Variants in SYNPR observed in about 807,000 individuals in gnomAD.
The protein encoded by SYNPR is synaptoporin.
SYNPR carries 23 observed loss-of-function variants against 32.9 expected under a neutral mutation model. The observed-to-expected ratio is 0.70, with a 90% confidence interval of 0.50 to 0.99. SYNPR has a LOEUF of 0.99. Ranked by LOEUF, SYNPR falls within the 50% of genes least tolerant of loss-of-function variation. The pLI is 0.00. For synonymous variants in SYNPR, 146 were observed against 135.9 expected (o/e 1.07, Z -0.52); for missense variants, 318 against 349.3 (o/e 0.91, Z 0.71).
chr3:63,509,514 C>T (rs1333425500), intron 3 of SYNPR, among the ~76,000 whole-genome samples: 3 of 151,766 alleles, frequency 2.0e-5, no homozygotes, highest in Non-Finnish European at 4.4e-5. Context: ...CTTGCTTTTG[C>T]CCATAAAGAT....
Position 63,465,052 on chromosome 3 carries a change from T to C in SYNPR, c.85-15780T>C, listed in dbSNP as rs141409325. 3.7e-3 allele frequency among the ~76,000 whole-genome samples: 556 copies of C among 152,272 alleles called. 2 individuals are homozygous for C. The highest frequency in any genetic ancestry group is 4.9e-3 in the Non-Finnish European group (334 of 68,006). ...AAACTAAAACCAATATATTAAACAT[T>C]AAGTAATTTGATACATTTTATTGCC... On this transcript the variant is annotated intron_variant, in intron 2 of 5. Coordinates refer to ENST00000478300, the MANE Select transcript of SYNPR (RefSeq NM_001130003.2).
intron 5 of SYNPR, among the ~76,000 whole-genome samples, chr3:63,612,318 G>A (rs1700210965): frequency 6.6e-6 from 1 of 152,212 alleles, no homozygotes; most frequent in Non-Finnish European, 1.5e-5. Context: ...ATTCCCAAAT[G>A]TCATACAGTG....
chr3:63,495,812 GAAT>G (rs1559517034), intron 3 of SYNPR, among the ~76,000 whole-genome samples: 1 of 152,064 alleles, frequency 6.6e-6, no homozygotes, highest in Non-Finnish European at 1.5e-5. Context: ...TGGAAGGAAT[GAAT>G]AATTGGAGCA....
At chr3:63,252,884 C>T (rs1241080785) in intron 2 of SYNPR, among the ~76,000 whole-genome samples, 1 of 151,784 alleles carries the variant, frequency 6.6e-6, no homozygotes, top group Non-Finnish European at 1.5e-5. Flanking sequence ...ACTAAAAATA[C>T]AAAAATTATC....
At chr3:63,247,325 G>C (rs146806584) in intron 1 of SYNPR, among the ~76,000 whole-genome samples, 3,265 of 151,682 alleles carry the variant, frequency 0.022, 46 homozygotes, top group Non-Finnish European at 0.035. Context: ...CTTAGGTTTT[G>C]CAAATTAGGA....
chr3:63,255,195 C>T (rs964133881), intron 2 of SYNPR, among the ~76,000 whole-genome samples: 3 of 152,146 alleles, frequency 2.0e-5, no homozygotes, highest in Non-Finnish European at 4.4e-5. Context: ...TAACCTCCAG[C>T]TTGAGAACCA....
At chr3:63,574,563 A>G (rs1468454186) in intron 4 of SYNPR, among the ~76,000 whole-genome samples, 1 of 152,124 alleles carries the variant, frequency 6.6e-6, no homozygotes, top group African/African-American at 2.4e-5. Context: ...CTAAAACAAC[A>G]ATGAATTATC....
At chr3:63,418,760 A>G (rs896425473) in intron 2 of SYNPR, among the ~76,000 whole-genome samples, 6 of 152,142 alleles carry the variant, frequency 3.9e-5, no homozygotes, top group Admixed American at 3.9e-4. Context: ...AGCATGGTAA[A>G]GACCTCCTCC....
At chr3:63,359,118 G>A (rs1258313861) in intron 2 of SYNPR, among the ~76,000 whole-genome samples, 1 of 151,956 alleles carries the variant, frequency 6.6e-6, no homozygotes, top group African/African-American at 2.4e-5. Flanking sequence ...CTTCTACTGA[G>A]TACCAGAAAC....
intron 2 of SYNPR, among the ~76,000 whole-genome samples, chr3:63,297,065 A>G (rs1474092484): frequency 6.6e-6 from 1 of 152,250 alleles, no homozygotes; most frequent in Non-Finnish European, 1.5e-5. Flanking sequence ...ATTGGACAGC[A>G]AAAGTGTAGA....
intron 3 of SYNPR, among the ~76,000 whole-genome samples, chr3:63,520,129 G>C: frequency 6.6e-6 from 1 of 152,146 alleles, no homozygotes; most frequent in East Asian, 1.9e-4. Flanking sequence ...ATTTTAATAT[G>C]TGACCCGGCA....
chr3:63,219,661 C>A, the SYNPR span, among the ~76,000 whole-genome samples: 1 of 151,676 alleles, frequency 6.6e-6, no homozygotes, highest in Non-Finnish European at 1.5e-5. Flanking sequence ...ACTGTATTAT[C>A]GCAATAAAGT....
At position 63,576,210 on chromosome 3, in the gene SYNPR, A is replaced by G. The variant is rs78377086; in HGVS notation, c.408+19469A>G. On this transcript the variant is annotated intron_variant, in intron 4 of 5. Coordinates refer to ENST00000478300, the MANE Select transcript of SYNPR (RefSeq NM_001130003.2). The stretch of plus-strand genomic sequence containing the variant: ...AGCCTTTGAGATTTCACAACTTTGT[A>G]TGTGAGGTTGATATCAAGTTAACCT... 3.1e-3 allele frequency among the ~76,000 whole-genome samples: 476 copies of G among 152,282 alleles called. 5 individuals are homozygous for G. Among genetic ancestry groups the G allele is most frequent in the Non-Finnish European group, 5.1e-3 (347 of 68,022 alleles).
At chr3:63,444,366 A>T (rs1700235743) in intron 2 of SYNPR, 1 of 152,216 alleles carries the variant, frequency 6.6e-6, no homozygotes, top group Non-Finnish European at 1.5e-5. Flanking sequence ...TAATATAATT[A>T]TTCTAGACAG....
chr3:63,406,933 T>G (rs1457151761), intron 2 of SYNPR, among the ~76,000 whole-genome samples: 1 of 152,194 alleles, frequency 6.6e-6, no homozygotes, highest in Non-Finnish European at 1.5e-5. Context: ...GATCGGTCCA[T>G]GTTGACTATC....
chr3:63,270,037 T>A (rs1395859020), intron 3 of SYNPR, among the ~76,000 whole-genome samples: 2 of 152,136 alleles, frequency 1.3e-5, no homozygotes, highest in Non-Finnish European at 2.9e-5. Context: ...GCTTAAATAA[T>A]ATTTTCAGAT....
chr3:63,608,206 T>G (rs1700151400), intron 4 of SYNPR, among the ~76,000 whole-genome samples: 1 of 152,106 alleles, frequency 6.6e-6, no homozygotes, highest in South Asian at 2.1e-4. Flanking sequence ...GACGTAGCCC[T>G]CATCATCAGA....
chr3:63,313,564 G>A (rs12496690), intron 2 of SYNPR, among the ~76,000 whole-genome samples: 42,093 of 146,452 alleles, frequency 0.29, 7,397 homozygotes, highest in Non-Finnish European at 0.39. Flanking sequence ...TGGCTGCATA[G>A]TATTCCATTG....
chr3:63,393,298 G>T (rs190818327), intron 2 of SYNPR, among the ~76,000 whole-genome samples: 9 of 152,070 alleles, frequency 5.9e-5, no homozygotes, highest in Non-Finnish European at 1.2e-4. Context: ...GCATGTATGT[G>T]AGGGTTATTC....
Sources: gnomAD v4.1 joint callset for allele counts (sites outside exome capture counted in the v4.1 genomes callset) on GRCh38, gnomAD v4.1.1 for gene constraint, MANE v1.5 for transcripts, NCBI Gene and HGNC (gene_info 2026-07-23, HGNC 2026-07-21) for gene names.